The following GALNT18 variants were observed in gnomAD, a reference collection of about 807,000 sequenced individuals.
GALNT18 encodes GalNAc-transferase 18.
Under a neutral mutation model 69.5 loss-of-function variants are expected in GALNT18, and 44 were observed. That is an observed-to-expected ratio of 0.63 (90% CI 0.50 to 0.81). The LOEUF (loss-of-function observed/expected upper bound fraction) is 0.81, where lower values mean the gene tolerates loss of function less well. GALNT18 is among the 40% of genes least tolerant of loss of function. GALNT18 has a pLI of 0.00. For synonymous variants in GALNT18, 364 were observed against 318.2 expected (o/e 1.14, Z -1.53); for missense variants, 715 against 810.0 (o/e 0.88, Z 1.42).
At chr11:11,610,689 C>T (rs774945842) in intron 1 of GALNT18, among the ~76,000 whole-genome samples, 34 of 152,180 alleles carry the variant, frequency 2.2e-4, no homozygotes, top group South Asian at 1.9e-3. Context: ...ATAATTCCCA[C>T]GTTATACCTT....
rs75259979 is a variant in GALNT18, at chr11:11,600,810, C to A, written c.235+20549G>T. The stretch of plus-strand genomic sequence containing the variant: ...AATGGTGTTCCATGTTTTTCTAAAG[C>A]TCTGCATATTTTTATTCATTCTCTT... On this transcript the variant is annotated intron_variant, in intron 1 of 10. Transcript: ENST00000227756. The surrounding 1 kb of genome is among the most constrained non-coding windows in gnomAD (Gnocchi z 4.8). 0.017 allele frequency among the ~76,000 whole-genome samples: 2,583 copies of A among 152,076 alleles called. 42 individuals carry two copies. The highest frequency in any genetic ancestry group is 0.065 in the Middle Eastern group (19 of 294).
intron 6 of GALNT18, among the ~76,000 whole-genome samples, chr11:11,368,909 G>A (rs921446398): frequency 6.6e-6 from 1 of 152,134 alleles, no homozygotes; most frequent in Non-Finnish European, 1.5e-5. Context: ...TTTTAAAACT[G>A]TGAATTCATA....
rs534319265 is a variant in GALNT18, at chr11:11,449,756, C to T, written c.236-820G>A. On this transcript the variant is annotated intron_variant, in intron 1 of 10. Coordinates refer to ENST00000227756, the MANE Select transcript of GALNT18 (RefSeq NM_198516.3). ...CCACGTCCTGGCTACATGACCATAGCACAGTCAACCTCCCAAGGCCAAAAT... is the reference window on the plus strand; with the variant it reads ...CCACGTCCTGGCTACATGACCATAGTACAGTCAACCTCCCAAGGCCAAAAT... 5.3e-5 allele frequency among the ~76,000 whole-genome samples: 8 copies of T among 152,358 alleles called. 1 individual carries two copies. In the South Asian group the frequency reaches 1.4e-3, roughly 28 times the overall value.
intron 10 of GALNT18, among the ~76,000 whole-genome samples, chr11:11,279,313 ATAAT>A: frequency 6.6e-6 from 1 of 152,168 alleles, no homozygotes; most frequent in East Asian, 1.9e-4. Context: ...CACATCCATA[ATAAT>A]TAAAAATTTC....
At chr11:11,429,654 T>C (rs1439215281) in intron 3 of GALNT18, among the ~76,000 whole-genome samples, 1 of 152,080 alleles carries the variant, frequency 6.6e-6, no homozygotes, top group East Asian at 1.9e-4. Flanking sequence ...AAAGAGACGC[T>C]GAGAGGCTGA....
intron 1 of GALNT18, among the ~76,000 whole-genome samples, chr11:11,548,415 G>A (rs1228305870): frequency 6.6e-6 from 1 of 152,170 alleles, no homozygotes; most frequent in Non-Finnish European, 1.5e-5. Context: ...AAGGCACCAA[G>A]CACTAAGACA....
intron 3 of GALNT18, among the ~76,000 whole-genome samples, chr11:11,429,676 G>A (rs772568011): frequency 2.6e-5 from 4 of 152,312 alleles, no homozygotes; most frequent in South Asian, 2.1e-4. Flanking sequence ...GGACTTTTCC[G>A]TGGTCAGTTA....
At chr11:11,553,757 G>A (rs1338029110) in intron 1 of GALNT18, among the ~76,000 whole-genome samples, 3 of 152,094 alleles carry the variant, frequency 2.0e-5, no homozygotes, top group Non-Finnish European at 2.9e-5. Flanking sequence ...CTTCCAAGTG[G>A]TCCTCTCTTT....
chr11:11,551,313 G>C (rs1858184148), intron 1 of GALNT18, among the ~76,000 whole-genome samples: 1 of 152,024 alleles, frequency 6.6e-6, no homozygotes, highest in East Asian at 1.9e-4. Flanking sequence ...CATAGAACAA[G>C]GTGTTCTTCA....
At chr11:11,297,027 CTTAGAACGATGGTCCTCA>C (rs1849413777) in intron 9 of GALNT18, among the ~76,000 whole-genome samples, 1 of 152,158 alleles carries the variant, frequency 6.6e-6, no homozygotes, top group African/African-American at 2.4e-5. Context: ...CAAAAAGTGA[CTTAGAACGATGGTCCTCA>C]GTGGAGGAAT....
In GALNT18 at chr11:11,454,267, C is replaced by T. The variant is rs56024740; in HGVS notation, c.236-5331G>A. 0.026 allele frequency among the ~76,000 whole-genome samples: 3,978 copies of T among 152,246 alleles called. 77 individuals are homozygous for T. Among genetic ancestry groups the T allele is most frequent in the Non-Finnish European group, 0.039 (2,682 of 68,022 alleles). ...TTAAGCAAATGATTGTGCACAGTTACGCAGACTGGCACGGCATGTTTAAGA... is the reference window on the plus strand; with the variant it reads ...TTAAGCAAATGATTGTGCACAGTTATGCAGACTGGCACGGCATGTTTAAGA... On this transcript the variant is annotated intron_variant, in intron 1 of 10. Coordinates refer to ENST00000227756, the MANE Select transcript of GALNT18 (RefSeq NM_198516.3). The surrounding 1 kb of genome is among the most constrained non-coding windows in gnomAD (Gnocchi z 4.2).
chr11:11,585,826 TGTTGCTTTG>T (rs1859208485), intron 1 of GALNT18, among the ~76,000 whole-genome samples: 1 of 145,920 alleles, frequency 6.9e-6, no homozygotes, highest in Non-Finnish European at 1.5e-5. Flanking sequence ...TTTTTTTGGC[TGTTGCTTTG>T]GAAACTGCAA....
At chr11:11,277,592 A>C (rs1848976321) in intron 10 of GALNT18, among the ~76,000 whole-genome samples, 1 of 152,062 alleles carries the variant, frequency 6.6e-6, no homozygotes, top group Non-Finnish European at 1.5e-5. Flanking sequence ...ATTTGATGTT[A>C]GGGTGTCAAT....
At chr11:11,514,604 T>G (rs1857231806) in intron 1 of GALNT18, among the ~76,000 whole-genome samples, 1 of 152,212 alleles carries the variant, frequency 6.6e-6, no homozygotes, top group Non-Finnish European at 1.5e-5. Context: ...CCCTTCCTAC[T>G]CTTGCCCTAC....
At chr11:11,302,062 A>G (rs962693407) in intron 9 of GALNT18, among the ~76,000 whole-genome samples, 18 of 152,244 alleles carry the variant, frequency 1.2e-4, no homozygotes, top group Non-Finnish European at 2.5e-4. Context: ...GGCAAACACA[A>G]GCCACAGACG....
intron 3 of GALNT18, among the ~76,000 whole-genome samples, chr11:11,399,056 C>A (rs1204191134): frequency 6.6e-6 from 1 of 152,186 alleles, no homozygotes; most frequent in African/African-American, 2.4e-5. Flanking sequence ...TGAAAGTCTA[C>A]TCTTGCAATG....
At chr11:11,474,021 G>A (rs1427646718) in intron 1 of GALNT18, among the ~76,000 whole-genome samples, 3 of 152,234 alleles carry the variant, frequency 2.0e-5, no homozygotes, top group African/African-American at 4.8e-5. Flanking sequence ...GCCCAGATCC[G>A]ACACTGCACT....
chr11:11,315,625 G>A lies in GALNT18; in HGVS notation c.1512+11461C>T, dbSNP rs745691883. ...AACACCTACCATCACCATCACATGT[G>A]GGGCACCGGGTCAGGCATCATGGCA... On this transcript the variant is annotated intron_variant, in intron 9 of 10. Transcript: ENST00000227756. The surrounding 1 kb of genome is among the most constrained non-coding windows in gnomAD (Gnocchi z 5.6). Among the ~76,000 whole-genome samples the A allele has an allele frequency of 5.3e-5, 8 of 152,116 alleles. No homozygotes were observed. The highest frequency in any genetic ancestry group is 8.8e-5 in the Non-Finnish European group (6 of 68,026).
intron 10 of GALNT18, among the ~76,000 whole-genome samples, chr11:11,288,385 T>C (rs1349000552): frequency 6.6e-6 from 1 of 152,180 alleles, no homozygotes; most frequent in African/African-American, 2.4e-5. Context: ...CTACAACCTT[T>C]ATGATATAAA....
Sources: allele counts gnomAD v4.1 joint callset (sites outside exome capture counted in the v4.1 genomes callset), GRCh38; gene constraint gnomAD v4.1.1; non-coding constraint Gnocchi (gnomAD v3.1); transcripts MANE v1.5; gene names NCBI Gene and HGNC (gene_info 2026-07-23, HGNC 2026-07-21).